Variants in TAF3 observed in about 807,000 individuals in gnomAD.
The protein encoded by TAF3 is TATA-box binding protein associated factor 3, also known as transcription initiation factor TFIID subunit 3.
In TAF3, 7 loss-of-function variants were observed where a neutral mutation model predicts 80.6. The ratio of observed to expected loss-of-function variants is 0.09; its 90% CI spans 0.05 to 0.16. The LOEUF is 0.16. Ranked by LOEUF, TAF3 falls within the 10% of genes least tolerant of loss-of-function variation. The pLI is 1.00. For synonymous variants in TAF3, 444 were observed against 446.1 expected (o/e 1.00, Z 0.06); for missense variants, 921 against 1,140.2 (o/e 0.81, Z 2.77).
chr10:7,828,139 A>T (rs903451692), intron 2 of TAF3, among the ~76,000 whole-genome samples: 1 of 152,162 alleles, frequency 6.6e-6, no homozygotes, highest in Non-Finnish European at 1.5e-5. Flanking sequence ...AGGCCAAGGC[A>T]GGAAGATCGC....
At chr10:7,890,144 TTC>T (rs1209204441) in intron 2 of TAF3, among the ~76,000 whole-genome samples, 2 of 152,234 alleles carry the variant, frequency 1.3e-5, no homozygotes, top group East Asian at 1.9e-4. Flanking sequence ...GCTGGGACTT[TTC>T]TCTTTTTCAC....
intron 2 of TAF3, among the ~76,000 whole-genome samples, chr10:7,881,632 G>A (rs1161734370): frequency 6.6e-6 from 1 of 151,974 alleles, no homozygotes; most frequent in Non-Finnish European, 1.5e-5. Flanking sequence ...TTTCTAGGGG[G>A]CCCCTTGAAA....
chr10:7,902,151 T>C (rs1204582761), intron 2 of TAF3, among the ~76,000 whole-genome samples: 2 of 152,306 alleles, frequency 1.3e-5, no homozygotes, highest in South Asian at 2.1e-4. Context: ...TGTCCAATAT[T>C]CAGTTTGGAC....
At chr10:7,905,408 T>G (rs1837598749) in intron 2 of TAF3, among the ~76,000 whole-genome samples, 1 of 152,214 alleles carries the variant, frequency 6.6e-6, no homozygotes, top group Non-Finnish European at 1.5e-5. Context: ...ACAAAACCTT[T>G]GTTTTCATAC....
intron 2 of TAF3, among the ~76,000 whole-genome samples, chr10:7,863,622 A>ATATAT (rs1403963111): frequency 4.4e-4 from 30 of 68,610 alleles, no homozygotes; most frequent in South Asian, 1.6e-3. Flanking sequence ...AAAAAAAAAA[A>ATATAT]AAAAATATAT....
chr10:7,879,435 A>C (rs1837339646), intron 2 of TAF3, among the ~76,000 whole-genome samples: 1 of 152,236 alleles, frequency 6.6e-6, no homozygotes, highest in Non-Finnish European at 1.5e-5. Flanking sequence ...TTATACATGA[A>C]ATGAAATAAT....
At chr10:8,002,897 C>T (rs776822622) in intron 4 of TAF3, among the ~76,000 whole-genome samples, 11 of 152,160 alleles carry the variant, frequency 7.2e-5, no homozygotes, top group Admixed American at 2.0e-4. Context: ...ACTGTTATAG[C>T]TTCCTGGCAA....
chr10:7,842,652 A>G (rs1166866211), intron 2 of TAF3, among the ~76,000 whole-genome samples: 1 of 152,190 alleles, frequency 6.6e-6, no homozygotes, highest in Non-Finnish European at 1.5e-5. Context: ...ATAGCTTGGT[A>G]TGTCATTGAA....
At chr10:7,973,582 T>G (rs1831641059) in intron 3 of TAF3, among the ~76,000 whole-genome samples, 1 of 152,216 alleles carries the variant, frequency 6.6e-6, no homozygotes. Context: ...ATATGATCAG[T>G]TTACCTGTAA....
intron 2 of TAF3, among the ~76,000 whole-genome samples, chr10:7,947,785 A>G (rs1412715477): frequency 6.6e-6 from 1 of 152,178 alleles, no homozygotes; most frequent in African/African-American, 2.4e-5. Flanking sequence ...GGTGACAGGA[A>G]GCACTGGAGG....
At position 7,945,555 on chromosome 10, in the gene TAF3, G is replaced by A. The variant is rs780274046; in HGVS notation, c.410-18365G>A. ...TGGCCGCAGACACTCTCTAGATGCCGCAGGGAGGCCAGGCCTGCCCTCGCA... is the reference window on the plus strand; with the variant it reads ...TGGCCGCAGACACTCTCTAGATGCCACAGGGAGGCCAGGCCTGCCCTCGCA... On this transcript the variant is annotated intron_variant, in intron 2 of 6. Transcript: ENST00000344293. Among the ~76,000 whole-genome samples, 79 of 152,094 alleles carry A rather than the reference G, an allele frequency of 5.2e-4. 2 individuals carry two copies. The highest frequency in any genetic ancestry group is 1.9e-4 in the African/African-American group (8 of 41,494).
intron 2 of TAF3, among the ~76,000 whole-genome samples, chr10:7,908,166 G>A (rs935822657): frequency 1.3e-5 from 2 of 151,950 alleles, no homozygotes; most frequent in Non-Finnish European, 2.9e-5. Flanking sequence ...AGACATGTAC[G>A]TTTGTTCCAA....
intron 2 of TAF3, among the ~76,000 whole-genome samples, chr10:7,848,349 A>G (rs1021522841): frequency 6.6e-6 from 1 of 152,258 alleles, no homozygotes; most frequent in African/African-American, 2.4e-5. Context: ...TAATGGAATG[A>G]AAAACTCAGG....
chr10:7,916,563 T>A (rs1837713830), intron 2 of TAF3, among the ~76,000 whole-genome samples: 3 of 152,228 alleles, frequency 2.0e-5, no homozygotes, highest in African/African-American at 7.2e-5. Context: ...ATTTTCTTTT[T>A]AATGGAAATT....
chr10:7,917,925 AG>A (rs895021308), intron 2 of TAF3, among the ~76,000 whole-genome samples: 3 of 152,198 alleles, frequency 2.0e-5, no homozygotes, highest in African/African-American at 2.4e-5. Context: ...GACCGAGGAG[AG>A]GAGTGGAAGG....
At chr10:7,919,587 AC>A (rs1332814560) in intron 2 of TAF3, among the ~76,000 whole-genome samples, 1 of 152,128 alleles carries the variant, frequency 6.6e-6, no homozygotes, top group East Asian at 1.9e-4. Flanking sequence ...TGGTTCCAGG[AC>A]CCCCCATAGA....
At chr10:7,911,911 C>A (rs1349201295) in intron 2 of TAF3, among the ~76,000 whole-genome samples, 1 of 152,116 alleles carries the variant, frequency 6.6e-6, no homozygotes, top group East Asian at 1.9e-4. Flanking sequence ...TCGTTCGCTT[C>A]ATTTTTCTGG....
chr10:7,870,061 G>A (rs1007093914), intron 2 of TAF3, among the ~76,000 whole-genome samples: 2 of 152,066 alleles, frequency 1.3e-5, no homozygotes, highest in Non-Finnish European at 1.5e-5. Flanking sequence ...AAATGAAAAC[G>A]GCTTGTATTA....
chr10:7,890,979 AAGCATGTAGCTGAACTTGCGGATGCC>A (rs1837452577), intron 2 of TAF3, among the ~76,000 whole-genome samples: 1 of 152,266 alleles, frequency 6.6e-6, no homozygotes, highest in Non-Finnish European at 1.5e-5. Flanking sequence ...GAATTTTGCT[AAGCATGTAGCTGAACTTGCGGATGCC>A]AGTACACATG....
Sources: gnomAD v4.1 joint callset for allele counts (sites outside exome capture counted in the v4.1 genomes callset) on GRCh38, gnomAD v4.1.1 for gene constraint, MANE v1.5 for transcripts, NCBI Gene and HGNC (gene_info 2026-07-23, HGNC 2026-07-21) for gene names.